The following TTN variants were observed in gnomAD, a reference collection of about 807,000 sequenced individuals.
TTN encodes titin.
In TTN, 1,525 loss-of-function variants were observed where a neutral mutation model predicts 3,223.0. That is an observed-to-expected ratio of 0.47 (90% CI 0.45 to 0.49). TTN has a LOEUF of 0.49. TTN is among the 20% of genes least tolerant of loss of function. The probability of loss-of-function intolerance (pLI) is 0.00; values close to 1 mark genes in which losing one functional copy is unlikely to be tolerated. For missense variants in TTN, 40,786 were observed against 43,424.0 expected (o/e 0.94, Z 5.40); for synonymous variants, 14,094 against 15,161.0 (o/e 0.93, Z 5.17).
rs115985443 is a variant in TTN, at chr2:178,764,172, C to T, written c.10114+5G>A. On this transcript the variant is annotated splice_donor_5th_base_variant and intron_variant, in intron 43 of 362. Transcript: ENST00000589042. ...GGCAATGACACCTTTTGTTCTTAAA[C>T]CTACCTGTTCCAGAAACCCGGCATT... 1,512 of 1,614,058 alleles carry T rather than the reference C, an allele frequency of 9.4e-4. 8 individuals carry two copies. In the African/African-American group the frequency reaches 9.8e-3, roughly 10 times the overall value.
rs541307234 is a variant in TTN at position 178,613,895 on chromosome 2, G to C, written c.49388C>G (p.Thr16463Ser). 6.2e-7 allele frequency: 1 copy of C among 1,610,502 alleles called. No homozygotes were observed. Among genetic ancestry groups the C allele is most frequent in the African/African-American group, 1.3e-5 (1 of 74,754 alleles). Residue 16463 changes from threonine (T) to serine (S), a missense_variant, in exon 263 of 363, where the codon ACT becomes AGT. Physicochemically the swap from Thr to Ser is moderately conservative, Grantham distance 58. Transcript: ENST00000589042. ...PPTRLEPSDI[T>S]KDAVTLTWCE... ...CCATGTGAGAGTCACTGCGTCTTTA[G>C]TGATATCAGAAGGTTCTAGGCGAGT...
rs1440693630 is a variant in TTN at position 178,651,704 on chromosome 2, G to A, written c.39425C>T (p.Ala13142Val). 6.2e-7 allele frequency: 1 copy of A among 1,613,346 alleles called. No homozygotes were observed. ...KKPVPEKKAP[A>V]VVAKKPELPP... ...TAGTTCAGGTTTTTTGGCAACGACA[G>A]CAGGTGCTTTCTTTTCTGGGACAGG... Residue 13142 changes from alanine (A) to valine (V), a missense_variant, in exon 206 of 363, where the codon GCT becomes GTT. Physicochemically the swap from Ala to Val is moderately conservative, Grantham distance 64 (BLOSUM62 0). Transcript: ENST00000589042.
In TTN at chr2:178,718,109, T is replaced by C. The variant is rs372235040; in HGVS notation, c.24897A>G (p.Lys8299=). 2 of 1,612,452 alleles carry C rather than the reference T, an allele frequency of 1.2e-6. No individual in the cohort carries two copies. The highest frequency in any genetic ancestry group is 2.7e-5 in the African/African-American group (2 of 74,912). The change falls in exon 86 of 363, where the codon AAA becomes AAG. Residue 8299 remains lysine, a synonymous_variant. Coordinates refer to ENST00000589042, the MANE Select transcript of TTN (RefSeq NM_001267550.2). The part of the protein sequence containing the change: ...GTPEIRISWY[K]EHTKLRSAPA... The stretch of plus-strand genomic sequence containing the variant: ...GAGCTGATCGTAGCTTTGTGTGTTC[T>C]TTATACCAAGAAATTCTAATTTCTG...
In TTN at chr2:178,639,990, GT is replaced by G. The variant is rs1365995721; in HGVS notation, c.40786+57del. ...ACCTACTATCTTTTATTAAGTACAT[GT>G]TATGTGTGTGAATACAGAAAGAATA... On this transcript the variant is annotated intron_variant, in intron 222 of 362. Transcript: ENST00000589042. 8 of 1,578,948 alleles carry G rather than the reference GT, an allele frequency of 5.1e-6. No individual in the cohort carries two copies. In the African/African-American group the frequency reaches 9.5e-5, roughly 19 times the overall value.
At position 178,580,513 on chromosome 2, in the gene TTN, G is replaced by A. The variant is rs751203353; in HGVS notation, c.66866C>T (p.Pro22289Leu). The change falls in exon 317 of 363, where the codon CCA becomes CTA. Residue 22289 changes from proline to leucine, a missense_variant. Transcript: ENST00000589042. ...MRLYVPVKGR[P>L]PPKITWSKPN... Reference sequence around the variant, plus strand: ...TTTAGACCAAGTAATCTTTGGAGGTGGGCGTCCTTTTACTGGTACATATAG... The same window carrying A: ...TTTAGACCAAGTAATCTTTGGAGGTAGGCGTCCTTTTACTGGTACATATAG... The A allele has an allele frequency of 6.2e-7, 1 of 1,612,850 alleles. No homozygotes were observed. Among genetic ancestry groups the A allele is most frequent in the South Asian group, 1.1e-5 (1 of 91,036 alleles).
chr2:178,544,382 T>C lies in TTN; in HGVS notation c.95847A>G (p.Gln31949=). Residue 31949 remains glutamine, a synonymous_variant, in exon 345 of 363, where the codon CAA becomes CAG. Coordinates refer to ENST00000589042, the MANE Select transcript of TTN (RefSeq NM_001267550.2). Reference sequence around the variant, plus strand: ...GGTACCACTGATCAGTGTCCTTCTCTTGCATTTCCAGAACATATCCTACAA... The same window carrying C: ...GGTACCACTGATCAGTGTCCTTCTCCTGCATTTCCAGAACATATCCTACAA... ...TDIVGYVLEM[Q]EKDTDQWYRV... 7.4e-6 allele frequency: 12 copies of C among 1,613,774 alleles called. No individual in the cohort carries two copies. Among genetic ancestry groups the C allele is most frequent in the Non-Finnish European group, 9.3e-6 (11 of 1,179,728 alleles).
chr2:178,595,510 T>C lies in TTN; in HGVS notation c.57844A>G (p.Ile19282Val), dbSNP rs779849364. 11 of 1,553,080 alleles carry C rather than the reference T, an allele frequency of 7.1e-6. No homozygotes were observed. In the South Asian group the frequency reaches 8.4e-5, roughly 12 times the overall value. ...TSEALVIREP[I>V]TVPERPEDLE... Reference sequence around the variant, plus strand: ...ACATTTTTTTTTTTTTACTTACTTATTGGCTCTCTGATAACAAGTGCCTCT... The same window carrying C: ...ACATTTTTTTTTTTTTACTTACTTACTGGCTCTCTGATAACAAGTGCCTCT... The change falls in exon 295 of 363, where the codon ATA becomes GTA. Residue 19282 changes from isoleucine (I) to valine (V), a missense_variant. By Grantham distance (29) the Ile-to-Val change is conservative. Coordinates refer to ENST00000589042, the MANE Select transcript of TTN (RefSeq NM_001267550.2).
In TTN at chr2:178,770,558, A is replaced by T. The variant is rs759392982; in HGVS notation, c.8234T>A (p.Val2745Asp). The change falls in exon 35 of 363, where the codon GTT (valine) becomes GAT (aspartate). Residue 2745 changes from valine to aspartate, a missense_variant. Physicochemically the swap from Val to Asp is radical, Grantham distance 152. Transcript: ENST00000589042. The part of the protein sequence containing the change: ...VKGVQWIKNG[V>D]VLESNEKYAI... ...ATACTTTTCATTGGATTCCAGCACAACTCCATTTTTGATCCACTGGACACC... is the reference window on the plus strand; with the variant it reads ...ATACTTTTCATTGGATTCCAGCACATCTCCATTTTTGATCCACTGGACACC... 6.2e-7 allele frequency: 1 copy of T among 1,613,956 alleles called. No homozygotes were observed. Among genetic ancestry groups the T allele is most frequent in the Non-Finnish European group, 8.5e-7 (1 of 1,179,980 alleles).
chr2:178,574,214 T>G lies in TTN; in HGVS notation c.71918A>C (p.Lys23973Thr), dbSNP rs1709269471. 1.9e-6 allele frequency: 3 copies of G among 1,613,452 alleles called. No homozygotes were observed. Among genetic ancestry groups the G allele is most frequent in the Non-Finnish European group, 2.5e-6 (3 of 1,179,562 alleles). ...KRDLPNGRWL[K>T]ANFSNILENE... ...CTCCAAAATGTTGCTGAAGTTGGCC[T>G]TCAGCCACCGTCCATTAGGAAGGTC... is the stretch of plus-strand genomic sequence containing the variant. The change falls in exon 326 of 363, where the codon AAG becomes ACG. Residue 23973 changes from lysine (K) to threonine (T), a missense_variant. Physicochemically the swap from Lys to Thr is moderately conservative, Grantham distance 78 (BLOSUM62 -1). Transcript: ENST00000589042.
Position 178,570,642 on chromosome 2 carries a change from C to CG in TTN, c.75489dup (p.Asp25164ArgfsTer40). The CG allele has an allele frequency of 6.2e-7, 1 of 1,613,444 alleles. No individual in the cohort carries two copies. The highest frequency in any genetic ancestry group is 1.3e-5 in the African/African-American group (1 of 74,988). On this transcript the variant is annotated frameshift_variant, in exon 326 of 363. Coordinates refer to ENST00000589042, the MANE Select transcript of TTN (RefSeq NM_001267550.2). LOFTEE classifies it high-confidence loss of function. ...TTTACACTGAGACTGGTGGCAAAGT[C>CG]GGTGCTCTTTATTTCTAATCGAGCT...
chr2:178,732,881 G>C lies in TTN; in HGVS notation c.16295C>G (p.Thr5432Arg). ...NDAGNFTCRA[T>R]NSVGSKDSSG... ...GCTGTCTTTGCTTCCCACGGAATTT[G>C]TGGCTCGACAAGTGAAATTCCCTGC... The change falls in exon 55 of 363, where the codon ACA becomes AGA. Residue 5432 changes from threonine to arginine, a missense_variant. By Grantham distance (71) the Thr-to-Arg change is moderately conservative (BLOSUM62 -1). Transcript: ENST00000589042. The C allele has an allele frequency of 6.2e-7, 1 of 1,613,368 alleles. No homozygotes were observed.
At chr2:178,555,425 G>T in intron 330 of TTN, 1 of 369,544 alleles carries the variant, frequency 2.7e-6, no homozygotes. Flanking sequence ...TGAAGAAATG[G>T]GATATGGTAG....
Position 178,616,809 on chromosome 2 carries a change from C to T in TTN, c.48080G>A (p.Arg16027His), listed in dbSNP as rs757013471. The T allele has an allele frequency of 1.9e-5, 30 of 1,612,578 alleles. No homozygotes were observed. In the South Asian group the frequency reaches 2.3e-4, roughly 12 times the overall value. The change falls in exon 256 of 363, where the codon CGT (arginine) becomes CAT (histidine). Residue 16027 changes from arginine to histidine, a missense_variant. By Grantham distance (29) the Arg-to-His change is conservative (BLOSUM62 0). Coordinates refer to ENST00000589042, the MANE Select transcript of TTN (RefSeq NM_001267550.2). ...YAELVISPSERSDKGIYTLKL... is the reference protein window; with the variant it reads ...YAELVISPSEHSDKGIYTLKL... ...CAGTGTATAAATGCCCTTGTCTGAA[C>T]GTTCACTTGGAGAAATGACAAGTTC...
rs794727393 is a variant in TTN, at chr2:178,598,541, C to G, written c.57076G>C (p.Glu19026Gln). ...TCTTCTTTTCCTTCTTCTTTATATT[C>G]AACGATGTATCCAGTTACTTTGGAT... Reference protein sequence around the residue: ...GGSKVTGYIVEYKEEGKEEWE... With the variant: ...GGSKVTGYIVQYKEEGKEEWE... The change falls in exon 292 of 363, where the codon GAA becomes CAA. Residue 19026 changes from glutamate to glutamine, a missense_variant. Glu to Gln is a conservative substitution (Grantham distance 29). Coordinates refer to ENST00000589042, the MANE Select transcript of TTN (RefSeq NM_001267550.2). 7 of 1,608,942 alleles carry G rather than the reference C, an allele frequency of 4.4e-6. No homozygotes were observed. The South Asian group carries it at 7.8e-5, about 18-fold the overall frequency.
At position 178,721,051 on chromosome 2, in the gene TTN, G is replaced by T; in HGVS notation, c.22968C>A (p.Asn7656Lys). 1 of 1,613,370 alleles carries T rather than the reference G, an allele frequency of 6.2e-7. No individual in the cohort carries two copies. The change falls in exon 79 of 363, where the codon AAC (asparagine) becomes AAA (lysine). Residue 7656 changes from asparagine (N) to lysine (K), a missense_variant. Transcript: ENST00000589042. Reference protein sequence around the residue: ...DSELHESWKYNMSFINSVALL... With the variant: ...DSELHESWKYKMSFINSVALL... ...ATGCCACAGAATTAATGAATGACAT[G>T]TTGTATTTCCAACTTTCATGAAGTT... is the stretch of plus-strand genomic sequence containing the variant.
Position 178,547,518 on chromosome 2 carries a change from CTT to C in TTN, c.94106_94107del (p.Lys31369SerfsTer34). ...TCCATGTATTTTGTGAGATGAGTGACTTTAATTTGAGTGCGCTTGACACTGGA... is the reference window on the plus strand; with the variant it reads ...TCCATGTATTTTGTGAGATGAGTGACTAATTTGAGTGCGCTTGACACTGGA... ...VNSSVKRTQIKVTHLTKYMEY... is the reference protein window; with the variant it reads ...VNSSVKRTQIXVTHLTKYMEY... On this transcript the variant is annotated frameshift_variant, in exon 339 of 363. Transcript: ENST00000589042. LOFTEE classifies it high-confidence loss of function. 6.2e-7 allele frequency: 1 copy of C among 1,613,670 alleles called. No individual in the cohort carries two copies. Among genetic ancestry groups the C allele is most frequent in the Non-Finnish European group, 8.5e-7 (1 of 1,179,752 alleles).
chr2:178,634,738 T>C lies in TTN; in HGVS notation c.42136A>G (p.Ile14046Val). 3 of 1,613,118 alleles carry C rather than the reference T, an allele frequency of 1.9e-6. No individual in the cohort carries two copies. Among genetic ancestry groups the C allele is most frequent in the Non-Finnish European group, 2.5e-6 (3 of 1,179,390 alleles). ...YQALNAITTAILTVKEIELDF... is the reference protein window; with the variant it reads ...YQALNAITTAVLTVKEIELDF... ...AGCCCCATACCTTTTACTGTCAAAA[T>C]GGCAGTTGTAATTGCATTAAGGGCC... Residue 14046 changes from isoleucine (I) to valine (V), a missense_variant, in exon 229 of 363, where the codon ATT becomes GTT. By Grantham distance (29) the Ile-to-Val change is conservative. Coordinates refer to ENST00000589042, the MANE Select transcript of TTN (RefSeq NM_001267550.2). This position sits in a 1 kb window ranked among gnomAD's most constrained non-coding sequence, Gnocchi z 4.6.
rs749402480 is a variant in TTN at position 178,594,090 on chromosome 2, T to C, written c.58303A>G (p.Ile19435Val). 2.5e-6 allele frequency: 4 copies of C among 1,613,502 alleles called. No homozygotes were observed. The highest frequency in any genetic ancestry group is 3.4e-6 in the Non-Finnish European group (4 of 1,179,636). The change falls in exon 297 of 363, where the codon ATA becomes GTA. Residue 19435 changes from isoleucine to valine, a missense_variant. Transcript: ENST00000589042. ...ADVLEDDRTH[I>V]KTTPATLALE... ...GCAAGTGTTGCTGGTGTAGTCTTTA[T>C]ATGAGTGCGATCATCTTCCAGCACA...
At chr2:178,637,168 T>TATATA (rs2060570209) in intron 224 of TTN, among the ~76,000 whole-genome samples, 1 of 127,078 alleles carries the variant, frequency 7.9e-6, no homozygotes, top group East Asian at 2.2e-4. Context: ...TATATATATA[T>TATATA]ATATATATAT....
Sources: allele counts gnomAD v4.1 joint callset (sites outside exome capture counted in the v4.1 genomes callset), GRCh38; gene constraint gnomAD v4.1.1; non-coding constraint Gnocchi (gnomAD v3.1); transcripts MANE v1.5; gene names NCBI Gene and HGNC (gene_info 2026-07-23, HGNC 2026-07-21).